DLGAP2: variants seen among roughly 807,000 people sequenced by gnomAD.
DLGAP2 encodes disks large-associated protein 2.
A neutral mutation model predicts 100.3 loss-of-function variants in DLGAP2; 26 were observed. The ratio of observed to expected loss-of-function variants is 0.26; its 90% CI spans 0.19 to 0.36. DLGAP2 has a LOEUF of 0.36. DLGAP2 is among the 10% of genes least tolerant of loss of function. The pLI is 1.00. For synonymous variants in DLGAP2, 886 were observed against 630.1 expected, an observed-to-expected ratio of 1.41 and a Z score of -6.08; for missense variants, 1,858 against 1,453.2, an observed-to-expected ratio of 1.28 and a Z score of -4.53.
intron 3 of DLGAP2, among the ~76,000 whole-genome samples, chr8:1,423,180 T>C (rs59774887): frequency 0.011 from 1,627 of 152,298 alleles, 28 homozygotes; most frequent in African/African-American, 0.035. Context: ...TAATATAATA[T>C]AGTTTTGAAT....
intron 2 of DLGAP2, among the ~76,000 whole-genome samples, chr8:1,109,664 G>A (rs570119801): frequency 8.2e-4 from 1 of 1,226 alleles, no homozygotes; most frequent in African/African-American, 8.5e-3. Context: ...AGGTGTGCAC[G>A]TGCCTATGAA....
intron 2 of DLGAP2, among the ~76,000 whole-genome samples, chr8:1,240,344 G>A (rs184083454): frequency 0.022 from 2,916 of 133,314 alleles, 121 homozygotes; most frequent in African/African-American, 0.075. Flanking sequence ...CACACATAAC[G>A]TCATGTCTAG....
intron 6 of DLGAP2, among the ~76,000 whole-genome samples, chr8:1,591,197 G>A (rs1009176461): frequency 3.3e-5 from 5 of 152,104 alleles, no homozygotes; most frequent in Non-Finnish European, 5.9e-5. Flanking sequence ...CCTATTCAAA[G>A]TTCTGTTCTT....
intron 3 of DLGAP2, among the ~76,000 whole-genome samples, chr8:1,463,853 C>G (rs560240112): frequency 3.3e-5 from 5 of 152,344 alleles, no homozygotes; most frequent in South Asian, 2.1e-4. Context: ...GATTCACAAG[C>G]TCTGCTGGGG....
intron 2 of DLGAP2, among the ~76,000 whole-genome samples, chr8:1,200,199 C>G (rs557841526): frequency 1.4e-4 from 22 of 152,196 alleles, no homozygotes; most frequent in African/African-American, 5.3e-4. Flanking sequence ...CCGTGCAGCA[C>G]CGGGTGTCAC....
At chr8:1,433,031 C>T (rs1797498716) in intron 3 of DLGAP2, among the ~76,000 whole-genome samples, 1 of 152,216 alleles carries the variant, frequency 6.6e-6, no homozygotes, top group Non-Finnish European at 1.5e-5. Flanking sequence ...GTCTGCTCTC[C>T]TCATGATTCT....
intron 3 of DLGAP2, among the ~76,000 whole-genome samples, chr8:1,435,350 A>C (rs1797586686): frequency 6.6e-6 from 1 of 152,182 alleles, no homozygotes; most frequent in South Asian, 2.1e-4. Flanking sequence ...TACATCACGC[A>C]CCGCACACGG....
At chr8:1,352,824 C>T (rs916430156) in intron 3 of DLGAP2, among the ~76,000 whole-genome samples, 1 of 152,136 alleles carries the variant, frequency 6.6e-6, no homozygotes, top group Non-Finnish European at 1.5e-5. Flanking sequence ...TCTGCTCATC[C>T]CATAGTAAGT....
At position 1,495,919 on chromosome 8, in the gene DLGAP2, C is replaced by G. The variant is rs138573949; in HGVS notation, c.107-5447C>G. 2.9e-3 allele frequency among the ~76,000 whole-genome samples: 435 copies of G among 152,274 alleles called. 2 individuals are homozygous for G. Among genetic ancestry groups the G allele is most frequent in the Non-Finnish European group, 4.7e-3 (322 of 68,014 alleles). On this transcript the variant is annotated intron_variant, in intron 3 of 14. Coordinates refer to ENST00000637795, the MANE Select transcript of DLGAP2 (RefSeq NM_001346810.2). ...CTGGGTGCCGGCGCCCAGCCTGTCC[C>G]GAGAGCCTCTGACAGCCAAGGATTG...
At chr8:1,292,783 T>C (rs1465879086) in intron 3 of DLGAP2, among the ~76,000 whole-genome samples, 1 of 152,026 alleles carries the variant, frequency 6.6e-6, no homozygotes, top group African/African-American at 2.4e-5. Flanking sequence ...TTTCCACTCA[T>C]GTCACCCCTC....
At chr8:1,165,619 C>T (rs541883819) in intron 2 of DLGAP2, among the ~76,000 whole-genome samples, 5 of 152,238 alleles carry the variant, frequency 3.3e-5, no homozygotes, top group East Asian at 1.9e-4. Flanking sequence ...ATTGTGCAGT[C>T]GCTGCGTGTG....
intron 3 of DLGAP2, among the ~76,000 whole-genome samples, chr8:1,438,296 G>A (rs886601145): frequency 7.9e-5 from 12 of 152,176 alleles, no homozygotes; most frequent in Admixed American, 7.9e-4. Flanking sequence ...TATGAGGAAG[G>A]GTAAGGGGTC....
chr8:1,649,353 A>G (rs1249039734), intron 8 of DLGAP2, among the ~76,000 whole-genome samples: 1 of 151,724 alleles, frequency 6.6e-6, no homozygotes, highest in Non-Finnish European at 1.5e-5. Context: ...AGCTACCAGA[A>G]CACTCAACAC....
intron 3 of DLGAP2, among the ~76,000 whole-genome samples, chr8:1,438,033 C>G (rs1397225414): frequency 6.6e-6 from 1 of 151,800 alleles, no homozygotes; most frequent in Admixed American, 6.6e-5. Flanking sequence ...GAAAAGAGGC[C>G]TAAGTTAAAA....
At chr8:797,523 G>A (rs886719599) in intron 1 of DLGAP2, among the ~76,000 whole-genome samples, 22 of 152,268 alleles carry the variant, frequency 1.4e-4, no homozygotes, top group African/African-American at 5.1e-4. Context: ...TTCTGTTGAA[G>A]TCTTTCCATA....
intron 2 of DLGAP2, among the ~76,000 whole-genome samples, chr8:1,078,459 C>G (rs1803695876): frequency 6.6e-6 from 1 of 152,152 alleles, no homozygotes; most frequent in South Asian, 2.1e-4. Context: ...TGGTGTTGCA[C>G]ATTCTGGGGA....
intron 2 of DLGAP2, among the ~76,000 whole-genome samples, chr8:1,228,653 C>T (rs1798472465): frequency 6.6e-6 from 1 of 152,074 alleles, no homozygotes; most frequent in Admixed American, 6.6e-5. Context: ...TCAATTAATG[C>T]AATGCAACAT....
intron 4 of DLGAP2, among the ~76,000 whole-genome samples, chr8:1,545,451 T>C (rs923209853): frequency 6.6e-6 from 1 of 152,220 alleles, no homozygotes; most frequent in African/African-American, 2.4e-5. Flanking sequence ...AATAAATGAC[T>C]ATAATTGCTG....
At chr8:946,523 A>G (rs766084365) in intron 2 of DLGAP2, among the ~76,000 whole-genome samples, 2 of 151,928 alleles carry the variant, frequency 1.3e-5, no homozygotes, top group Non-Finnish European at 2.9e-5. Flanking sequence ...TTGGCCTCCC[A>G]AAGTGCTGGG....
Sources: allele counts gnomAD v4.1 joint callset (sites outside exome capture counted in the v4.1 genomes callset), GRCh38; gene constraint gnomAD v4.1.1; transcripts MANE v1.5; gene names NCBI Gene and HGNC (gene_info 2026-07-23, HGNC 2026-07-21).